The following MOCS1 variants were observed in gnomAD, a reference collection of about 807,000 sequenced individuals.
The protein encoded by MOCS1 is molybdenum cofactor biosynthesis protein 1.
In MOCS1, 39 loss-of-function variants were observed where a neutral mutation model predicts 57.6. The ratio of observed to expected loss-of-function variants is 0.68; its 90% CI spans 0.52 to 0.88. The LOEUF is 0.88. MOCS1 is among the 40% of genes least tolerant of loss of function. The pLI, the probability that MOCS1 is intolerant of heterozygous loss-of-function variation, is 0.00. For synonymous variants in MOCS1, 334 were observed against 335.7 expected (o/e 1.00, Z 0.05); for missense variants, 795 against 831.1 (o/e 0.96, Z 0.53).
chr6:39,931,782 G>C (rs1254109863), intron 1 of MOCS1, among the ~76,000 whole-genome samples: 1 of 151,964 alleles, frequency 6.6e-6, no homozygotes, highest in African/African-American at 2.4e-5. Context: ...GGGTGCCTTT[G>C]CCTTGCCTAG....
rs1767027130 is a variant in MOCS1 at position 39,907,349 on chromosome 6, A to G, written c.1151-232T>C. Among the ~76,000 whole-genome samples the G allele has an allele frequency of 2.0e-5, 3 of 152,020 alleles. No individual in the cohort carries two copies. In the South Asian group the frequency reaches 6.2e-4, roughly 31 times the overall value. ...CTCACCCAGTGATGTACAGGGTAAC[A>G]GCCCTCCTAGAAACTGCTGTGCCAC... On this transcript the variant is annotated intron_variant, in intron 10 of 10. Coordinates refer to ENST00000340692, the MANE Select transcript of MOCS1 (RefSeq NM_001358530.2).
Position 39,920,954 on chromosome 6 carries a change from C to A in MOCS1, c.419-4722G>T, listed in dbSNP as rs1441942856. Among the ~76,000 whole-genome samples the A allele has an allele frequency of 2.1e-5, 3 of 145,678 alleles. No individual in the cohort carries two copies. The South Asian group carries it at 6.8e-4, about 33-fold the overall frequency. The stretch of plus-strand genomic sequence containing the variant: ...TCGTGCCACTGCACTCCAGCCCGGG[C>A]AACAGAGCTAGATCCGGTCTCCCAA... On this transcript the variant is annotated intron_variant, in intron 3 of 10. Coordinates refer to ENST00000340692, the MANE Select transcript of MOCS1 (RefSeq NM_001358530.2).
rs886061390 is a variant in MOCS1 at position 39,913,345 on chromosome 6, C to T, written c.729G>A (p.Val243=). ...CAAAGGGCATATACTCTATGAAGCG[C>T]ACATCCAGGGGGAGGCCCTCAGTCA... The part of the protein sequence containing the change: ...AALTEGLPLD[V]RFIEYMPFDG... Residue 243 remains valine, a synonymous_variant, in exon 6 of 11, where the codon GTG becomes GTA. Transcript: ENST00000340692. 7 of 1,614,216 alleles carry T rather than the reference C, an allele frequency of 4.3e-6. No homozygotes were observed. Among genetic ancestry groups the T allele is most frequent in the Middle Eastern group, 1.6e-4 (1 of 6,062 alleles).
At position 39,906,406 on chromosome 6, in the gene MOCS1, T is replaced by A; in HGVS notation, c.1862A>T (p.Lys621Met). ...CTGACCACCAGTCTTGCTAATGAGC[T>A]TGATCTCCTCCAACACGATGTCCCT... ...VSRDIVLEEI[K>M]LISKTGGQRG... Residue 621 changes from lysine to methionine, a missense_variant, in exon 11 of 11, where the codon AAG becomes ATG. Coordinates refer to ENST00000340692, the MANE Select transcript of MOCS1 (RefSeq NM_001358530.2). The A allele has an allele frequency of 6.2e-7, 1 of 1,602,950 alleles. No individual in the cohort carries two copies. The highest frequency in any genetic ancestry group is 8.5e-7 in the Non-Finnish European group (1 of 1,171,372).
At chr6:39,921,983 T>C (rs1424661055) in intron 3 of MOCS1, among the ~76,000 whole-genome samples, 1 of 152,118 alleles carries the variant, frequency 6.6e-6, no homozygotes, top group Non-Finnish European at 1.5e-5. Context: ...AGTGAGCAAT[T>C]CTTAAGCTAA....
rs2149396431 is a variant in MOCS1 at position 39,906,904 on chromosome 6, G to A, written c.1364C>T (p.Ser455Leu). 1 of 1,614,190 alleles carries A rather than the reference G, an allele frequency of 6.2e-7. No homozygotes were observed. The highest frequency in any genetic ancestry group is 2.2e-5 in the East Asian group (1 of 44,866). Residue 455 changes from serine (S) to leucine (L), a missense_variant, in exon 11 of 11, where the codon TCA becomes TTA. By Grantham distance (145) the Ser-to-Leu change is moderately radical. Around this residue, in one of 3 missense-constraint regions of MOCS1, gnomAD observed 374 missense variants for 422.6 expected, o/e 0.89. Transcript: ENST00000340692. ...FQRHYTSRAD[S>L]DANSKCLSPG... ...GCTAAGGCACTTTGAGTTGGCATCTGAGTCTGCACGGGAAGTGTAGTGTCT... is the reference window on the plus strand; with the variant it reads ...GCTAAGGCACTTTGAGTTGGCATCTAAGTCTGCACGGGAAGTGTAGTGTCT...
At chr6:39,907,148 C>T (rs1767013818) in intron 10 of MOCS1, 31 bp from the exon 11 acceptor site, 1 of 1,588,998 alleles carries the variant, frequency 6.3e-7, no homozygotes, top group African/African-American at 1.4e-5. Context: ...AGAAGAAACA[C>T]TAAGTCCAAA....
At chr6:39,916,865 A>G (rs1767688097) in intron 3 of MOCS1, among the ~76,000 whole-genome samples, 1 of 152,210 alleles carries the variant, frequency 6.6e-6, no homozygotes, top group South Asian at 2.1e-4. Flanking sequence ...CTCAAAGTGC[A>G]CCCAGGAGAA....
At position 39,905,436 on chromosome 6, in the gene MOCS1, T is replaced by C. The variant is rs762496631; in HGVS notation, c.*921A>G. 5.4e-5 allele frequency: 24 copies of C among 445,942 alleles called. No individual in the cohort carries two copies. Among genetic ancestry groups the C allele is most frequent in the South Asian group, 3.0e-4 (19 of 63,518 alleles). 27.6% of individuals were successfully genotyped at this position (445,942 alleles called of 1,614,324 possible). Reference sequence around the variant, plus strand: ...CAGGGAACTGTGTCTTGGGATAGGATTGATTGATTGATTGATAGGTGCAGC... The same window carrying C: ...CAGGGAACTGTGTCTTGGGATAGGACTGATTGATTGATTGATAGGTGCAGC... On this transcript the variant is annotated 3_prime_UTR_variant, in exon 11 of 11. Coordinates refer to ENST00000340692, the MANE Select transcript of MOCS1 (RefSeq NM_001358530.2).
chr6:39,906,253 T>TAAAC lies in MOCS1; in HGVS notation c.*100_*103dup, dbSNP rs745309282. On this transcript the variant is annotated 3_prime_UTR_variant, in exon 11 of 11. Coordinates refer to ENST00000340692, the MANE Select transcript of MOCS1 (RefSeq NM_001358530.2). ...CTGACTTCGGGTTTACTGCTCAAGG[T>TAAAC]AAACAAACAGTGACTGTGATTAAAG... 15 of 1,448,734 alleles carry TAAAC rather than the reference T, an allele frequency of 1.0e-5. No homozygotes were observed. The highest frequency in any genetic ancestry group is 5.6e-5 in the African/African-American group (4 of 71,638). 89.7% of individuals were successfully genotyped at this position (1,448,734 alleles called of 1,614,324 possible).
At chr6:39,926,357 T>C (rs1244969502) in intron 2 of MOCS1, among the ~76,000 whole-genome samples, 1 of 152,116 alleles carries the variant, frequency 6.6e-6, no homozygotes, top group African/African-American at 2.4e-5. Context: ...TTTCAGGTTA[T>C]CATCAGACCC....
chr6:39,926,877 T>C lies in MOCS1; in HGVS notation c.250+452A>G, dbSNP rs147534015. On this transcript the variant is annotated intron_variant, in intron 2 of 10. Transcript: ENST00000340692. ...GGAGGATTATGAAATGAGGCCTCTT[T>C]GTTATTAGCCTAGCCCCAGCTGATT... Among the ~76,000 whole-genome samples, 75 of 149,716 alleles carry C rather than the reference T, an allele frequency of 5.0e-4. No individual in the cohort carries two copies. The East Asian group carries it at 0.012, about 24-fold the overall frequency.
intron 2 of MOCS1, 186 bp downstream of exon 2, chr6:39,927,143 T>C (rs1768362303): frequency 3.2e-6 from 2 of 624,212 alleles, no homozygotes. Flanking sequence ...TCTATAATCA[T>C]ACAACTCAGC....
intron 3 of MOCS1, among the ~76,000 whole-genome samples, chr6:39,920,452 C>G (rs1438286155): frequency 6.6e-6 from 1 of 152,134 alleles, no homozygotes; most frequent in Admixed American, 6.5e-5. Flanking sequence ...TTAATGAAAA[C>G]AGTGTTTAAA....
chr6:39,923,396 T>A (rs981294784), intron 3 of MOCS1, among the ~76,000 whole-genome samples: 3 of 152,224 alleles, frequency 2.0e-5, no homozygotes, highest in Admixed American at 6.5e-5. Context: ...CTGGCTCCCA[T>A]TCTTCCCTCT....
At chr6:39,908,973 G>A (rs1767123985) in intron 10 of MOCS1, 82 bp downstream of exon 10, 2 of 1,131,008 alleles carry the variant, frequency 1.8e-6, no homozygotes. Flanking sequence ...TGCAGGAGCT[G>A]GGGGTGCCTA....
intron 10 of MOCS1, 129 bp downstream of exon 10, chr6:39,908,925 GA>G: frequency 1.2e-6 from 1 of 805,902 alleles, no homozygotes; most frequent in Non-Finnish European, 2.2e-6. Flanking sequence ...GATGAAGGAG[GA>G]ATAGAAGAAA....
intron 3 of MOCS1, among the ~76,000 whole-genome samples, chr6:39,922,673 G>A (rs1237538756): frequency 1.3e-5 from 2 of 152,192 alleles, no homozygotes; most frequent in Non-Finnish European, 2.9e-5. Context: ...GGTTGGCAGA[G>A]GGAGCCAGAG....
intron 10 of MOCS1, among the ~76,000 whole-genome samples, 160 bp from the exon 11 acceptor site, chr6:39,907,277 G>A (rs1767022381): frequency 1.3e-5 from 2 of 152,144 alleles, no homozygotes; most frequent in South Asian, 4.1e-4. Context: ...AGACAAAGTA[G>A]AAGATCCACA....
Sources: gnomAD v4.1 joint callset for allele counts (sites outside exome capture counted in the v4.1 genomes callset) on GRCh38, gnomAD v4.1.1 for gene constraint, gnomAD v4.1.1 regional missense constraint, MANE v1.5 for transcripts, NCBI Gene and HGNC (gene_info 2026-07-23, HGNC 2026-07-21) for gene names.